CDH13: variants seen among roughly 807,000 people sequenced by gnomAD.
The protein encoded by CDH13 is cadherin-13.
In CDH13, 24 loss-of-function variants were observed where a neutral mutation model predicts 63.8. The observed-to-expected ratio is 0.38, with a 90% CI of 0.27 to 0.53. CDH13 has a LOEUF of 0.53. Ranked by LOEUF, CDH13 falls within the 20% of genes least tolerant of loss-of-function variation. The pLI is 0.85. For synonymous variants in CDH13, 503 were observed against 355.3 expected (o/e 1.42, Z -4.67); for missense variants, 1,049 against 903.1 (o/e 1.16, Z -2.07).
chr16:83,454,684 C>G (rs926176535), intron 6 of CDH13, among the ~76,000 whole-genome samples: 2 of 150,110 alleles, frequency 1.3e-5, no homozygotes, highest in Non-Finnish European at 3.0e-5. Context: ...TTTTAAGAAA[C>G]CATATGTAGA....
intron 7 of CDH13, among the ~76,000 whole-genome samples, chr16:83,520,821 G>T (rs1033647427): frequency 3.9e-5 from 6 of 152,096 alleles, no homozygotes; most frequent in African/African-American, 1.4e-4. Flanking sequence ...CCAGGGACAG[G>T]CACAGGATCC....
intron 5 of CDH13, among the ~76,000 whole-genome samples, chr16:83,265,061 T>C (rs1461225133): frequency 6.6e-6 from 1 of 152,248 alleles, no homozygotes; most frequent in Non-Finnish European, 1.5e-5. Flanking sequence ...TATTAAATCC[T>C]ATGCCAAACA....
chr16:83,174,944 C>A (rs905384310), intron 4 of CDH13, among the ~76,000 whole-genome samples: 4 of 152,052 alleles, frequency 2.6e-5, no homozygotes, highest in East Asian at 1.9e-4. Flanking sequence ...GGAACTGCCC[C>A]CATGATCCAG....
chr16:83,056,823 A>G (rs2030996614), intron 3 of CDH13, among the ~76,000 whole-genome samples: 2 of 151,716 alleles, frequency 1.3e-5, no homozygotes, highest in South Asian at 4.2e-4. Context: ...TGATGGTTTT[A>G]TAGAAGAGAG....
chr16:82,679,007 C>T (rs746221379), intron 1 of CDH13, among the ~76,000 whole-genome samples: 1 of 152,110 alleles, frequency 6.6e-6, no homozygotes. Flanking sequence ...TCCAGTTGAT[C>T]ACCGCTGTGG....
At chr16:83,041,566 C>G (rs879314779) in intron 3 of CDH13, among the ~76,000 whole-genome samples, 1 of 152,098 alleles carries the variant, frequency 6.6e-6, no homozygotes, top group African/African-American at 2.4e-5. Context: ...CTTTTAAATC[C>G]ACTACCTATC....
At chr16:83,257,233 C>T (rs907860958) in intron 5 of CDH13, among the ~76,000 whole-genome samples, 4 of 151,972 alleles carry the variant, frequency 2.6e-5, no homozygotes, top group East Asian at 1.9e-4. Flanking sequence ...ACAGAATATA[C>T]ACAGGCGAAG....
intron 1 of CDH13, among the ~76,000 whole-genome samples, chr16:82,814,452 G>C (rs12716954): frequency 0.17 from 25,138 of 152,066 alleles, 2,825 homozygotes; most frequent in East Asian, 0.61. Context: ...CCAACGGTCA[G>C]TGAGATACTC....
chr16:83,573,022 A>G (rs1904786156), intron 7 of CDH13, among the ~76,000 whole-genome samples: 1 of 152,202 alleles, frequency 6.6e-6, no homozygotes, highest in South Asian at 2.1e-4. Context: ...ACACGTTGAC[A>G]TACGCAATAT....
chr16:83,761,235 A>G (rs1043250843), intron 11 of CDH13, among the ~76,000 whole-genome samples: 1 of 152,198 alleles, frequency 6.6e-6, no homozygotes, highest in Admixed American at 6.5e-5. Flanking sequence ...GGGGCCCCAG[A>G]GCTAGTCTAG....
chr16:83,594,172 C>T (rs2150740355), intron 7 of CDH13, among the ~76,000 whole-genome samples: 1 of 152,292 alleles, frequency 6.6e-6, no homozygotes, highest in East Asian at 1.9e-4. Flanking sequence ...TTCCTGAAGG[C>T]CACCCTCAGT....
At chr16:83,793,091 T>A (rs1916379716) in intron 13 of CDH13, among the ~76,000 whole-genome samples, 1 of 152,156 alleles carries the variant, frequency 6.6e-6, no homozygotes, top group Non-Finnish European at 1.5e-5. Flanking sequence ...TACTGATTAA[T>A]TTCTTTCTTT....
chr16:83,682,309 G>T (rs1212814331), intron 10 of CDH13, among the ~76,000 whole-genome samples: 1 of 152,064 alleles, frequency 6.6e-6, no homozygotes, highest in Non-Finnish European at 1.5e-5. Context: ...TAAGGAGGTG[G>T]GAAGAGGCGT....
chr16:82,840,774 G>C (rs1039160876), intron 1 of CDH13, among the ~76,000 whole-genome samples: 3 of 152,036 alleles, frequency 2.0e-5, no homozygotes, highest in Admixed American at 6.6e-5. Flanking sequence ...TATGGAAGCT[G>C]CTTTAAGGAG....
intron 5 of CDH13, among the ~76,000 whole-genome samples, chr16:83,305,102 G>A (rs901263749): frequency 1.3e-5 from 2 of 152,172 alleles, no homozygotes; most frequent in African/African-American, 2.4e-5. Flanking sequence ...CTGTCCTGGG[G>A]GGACTCTCCT....
intron 2 of CDH13, among the ~76,000 whole-genome samples, chr16:82,920,963 A>G (rs1438674500): frequency 6.6e-6 from 1 of 152,132 alleles, no homozygotes; most frequent in Non-Finnish European, 1.5e-5. Flanking sequence ...GATTTTATCA[A>G]ATTTTTTTTC....
At chr16:83,141,435 A>C (rs542885099) in intron 4 of CDH13, among the ~76,000 whole-genome samples, 38 of 152,164 alleles carry the variant, frequency 2.5e-4, no homozygotes, top group Admixed American at 2.4e-3. Context: ...GATCATTTCT[A>C]CTGAGACTAA....
At chr16:83,323,178 C>CTT (rs1237413457) in intron 5 of CDH13, among the ~76,000 whole-genome samples, 5 of 72,312 alleles carry the variant, frequency 6.9e-5, no homozygotes, top group Admixed American at 5.2e-4. Context: ...TTTCTTTTTT[C>CTT]TTTCTTTCTT....
At chr16:82,701,258 C>G (rs569078065) in intron 1 of CDH13, among the ~76,000 whole-genome samples, 3 of 152,156 alleles carry the variant, frequency 2.0e-5, no homozygotes, top group Non-Finnish European at 2.9e-5. Flanking sequence ...GGGCATGGCC[C>G]TAGTTCAAGG....
Sources: allele counts gnomAD v4.1 joint callset (sites outside exome capture counted in the v4.1 genomes callset), GRCh38; gene constraint gnomAD v4.1.1; transcripts MANE v1.5; gene names NCBI Gene and HGNC (gene_info 2026-07-23, HGNC 2026-07-21).